ZNF30: variants seen among roughly 807,000 people sequenced by gnomAD.
ZNF30 encodes the protein zinc finger protein 30.
A neutral mutation model predicts 13.2 loss-of-function variants in ZNF30; 15 were observed. That is an observed-to-expected ratio of 1.13 (90% CI 0.76 to 1.75). ZNF30 has a LOEUF of 1.75. ZNF30 is among the 40% of genes most tolerant of loss of function. ZNF30 has a pLI of 0.00. For synonymous variants in ZNF30, 223 were observed against 256.6 expected (o/e 0.87, Z 1.25); for missense variants, 726 against 757.0 (o/e 0.96, Z 0.48).
chr19:34,932,923 A>T (rs2012532441), intron 3 of ZNF30, among the ~76,000 whole-genome samples: 1 of 151,260 alleles, frequency 6.6e-6, no homozygotes, highest in African/African-American at 2.4e-5. Context: ...TGGGATTATA[A>T]GCGTACACCA....
intron 2 of ZNF30, among the ~76,000 whole-genome samples, chr19:34,931,239 A>G (rs571641858): frequency 1.3e-5 from 2 of 152,134 alleles, no homozygotes; most frequent in South Asian, 2.1e-4. Context: ...GTTTCACCGC[A>G]TAGGCCAGGC....
intron 4 of ZNF30, among the ~76,000 whole-genome samples, chr19:34,933,962 T>C (rs1056397845): frequency 6.6e-6 from 1 of 152,220 alleles, no homozygotes; most frequent in African/African-American, 2.4e-5. Flanking sequence ...ATTACGGACT[T>C]AAGTCACTTT....
intron 1 of ZNF30, among the ~76,000 whole-genome samples, chr19:34,928,082 G>T (rs2012172914): frequency 6.6e-6 from 1 of 151,492 alleles, no homozygotes; most frequent in African/African-American, 2.4e-5. Context: ...GCGTGCGCTT[G>T]TAGTCACAGC....
intron 2 of ZNF30, among the ~76,000 whole-genome samples, chr19:34,930,648 A>G (rs377747111): frequency 6.0e-4 from 92 of 152,298 alleles, no homozygotes; most frequent in South Asian, 1.4e-3. Flanking sequence ...ACTTGAGCCC[A>G]GGAGTTCAAG....
Position 34,943,947 on chromosome 19 carries a change from G to A in ZNF30, c.981G>A (p.Val327=). 1 of 1,613,472 alleles carries A rather than the reference G, an allele frequency of 6.2e-7. No homozygotes were observed. Among genetic ancestry groups the A allele is most frequent in the Non-Finnish European group, 8.5e-7 (1 of 1,179,870 alleles). The change falls in exon 5 of 5, where the codon GTG becomes GTA. Residue 327 remains valine, a synonymous_variant. Coordinates refer to ENST00000601142, the MANE Select transcript of ZNF30 (RefSeq NM_194325.3). ...ECKECGKSFT[V]YGQLTRHQSI... ...AGGAGTGTGGGAAGTCCTTCACTGT[G>A]TATGGACAGCTTACTCGACATCAGA...
chr19:34,928,951 G>A (rs1015511871), intron 1 of ZNF30, among the ~76,000 whole-genome samples: 1 of 152,094 alleles, frequency 6.6e-6, no homozygotes, highest in African/African-American at 2.4e-5. Flanking sequence ...ATCTTAGAGT[G>A]TATCTCCCCC....
At chr19:34,939,234 T>G (rs2012914522) in intron 4 of ZNF30, among the ~76,000 whole-genome samples, 1 of 148,200 alleles carries the variant, frequency 6.7e-6, no homozygotes, top group South Asian at 2.2e-4. Context: ...TAGGCTGGAG[T>G]GCAGTGGCGC....
rs528004699 is a variant in ZNF30 at position 34,935,162 on chromosome 19, C to T, written c.256+1439C>T. The stretch of plus-strand genomic sequence containing the variant: ...AGGAGAATGGCGTGAACCCAGGAGG[C>T]GGAGCTTGCAGTGAGCCAAGATTGT... On this transcript the variant is annotated intron_variant, in intron 4 of 4. Transcript: ENST00000601142. Among the ~76,000 whole-genome samples, 35 of 151,814 alleles carry T rather than the reference C, an allele frequency of 2.3e-4. No homozygotes were observed. The South Asian group carries it at 5.0e-3, about 22-fold the overall frequency.
rs185246316 is a variant in ZNF30, at chr19:34,927,411, G to A, written c.-65+195G>A. 6.6e-4 allele frequency: 110 copies of A among 166,996 alleles called. 1 individual carries two copies. The highest frequency in any genetic ancestry group is 2.4e-3 in the African/African-American group (100 of 42,200). The allele number at this position is 166,996 out of a possible 1,614,324, so 10.3% of individuals were successfully genotyped here. On this transcript the variant is annotated intron_variant, in intron 1 of 4. Transcript: ENST00000601142. ...AATTGATTTATGTAAAGGAGCAAAA[G>A]ACTCTTCAACTCTCAGTTTAAAAAG...
At chr19:34,928,109 G>A (rs2012175628) in intron 1 of ZNF30, among the ~76,000 whole-genome samples, 2 of 151,400 alleles carry the variant, frequency 1.3e-5, no homozygotes, top group Non-Finnish European at 2.9e-5. Flanking sequence ...AGAGGCGGAG[G>A]TGGGAGAAGT....
In ZNF30 at chr19:34,944,866, G is replaced by GT. The variant is rs1568547801; in HGVS notation, c.*29dup. 1.3e-6 allele frequency: 2 copies of GT among 1,526,202 alleles called. No individual in the cohort carries two copies. The highest frequency in any genetic ancestry group is 2.6e-5 in the South Asian group (2 of 75,474). The allele number at this position is 1,526,202 out of a possible 1,614,324, so 94.5% of individuals were successfully genotyped here. On this transcript the variant is annotated 3_prime_UTR_variant, in exon 5 of 5. Coordinates refer to ENST00000601142, the MANE Select transcript of ZNF30 (RefSeq NM_194325.3). ...GTCTGAGGAGTGTGGGAAGTGCTTC[G>GT]TGTGTGGCTCAAACATTGTTGAACA...
intron 1 of ZNF30, among the ~76,000 whole-genome samples, chr19:34,929,500 C>T (rs1317218571): frequency 6.6e-6 from 1 of 152,180 alleles, no homozygotes; most frequent in Admixed American, 6.5e-5. Context: ...CTTGACCAAC[C>T]TCAGATTTAT....
intron 1 of ZNF30, among the ~76,000 whole-genome samples, chr19:34,928,197 G>C (rs1274541152): frequency 2.6e-5 from 3 of 117,318 alleles, no homozygotes; most frequent in Admixed American, 2.1e-4. Context: ...GACAGAGCGA[G>C]ATCCCTTCTC....
chr19:34,935,202 G>A (rs11879817), intron 4 of ZNF30, among the ~76,000 whole-genome samples: 1 of 151,658 alleles, frequency 6.6e-6, no homozygotes, highest in Non-Finnish European at 1.5e-5. Flanking sequence ...CTGCACTCCA[G>A]CCTGGGCGAC....
chr19:34,941,675 G>C (rs1334805251), intron 4 of ZNF30, among the ~76,000 whole-genome samples: 2 of 152,194 alleles, frequency 1.3e-5, no homozygotes, highest in Non-Finnish European at 2.9e-5. Flanking sequence ...GATCCTAGGA[G>C]ATAACAGGAA....
At chr19:34,927,308 T>G in intron 1 of ZNF30, 92 bp downstream of exon 1, 1 of 328,514 alleles carries the variant, frequency 3.0e-6, no homozygotes, top group Non-Finnish European at 5.5e-6. Flanking sequence ...CCGGTGTGCA[T>G]CCGCGAAGAC....
chr19:34,930,595 C>T (rs1400820987), intron 2 of ZNF30, among the ~76,000 whole-genome samples: 1 of 152,190 alleles, frequency 6.6e-6, no homozygotes, highest in East Asian at 1.9e-4. Flanking sequence ...CAGTGGCTCA[C>T]ACCTGTAAAC....
upstream of ZNF30, among the ~76,000 whole-genome samples, chr19:34,926,495 CTT>C (rs751405205): frequency 1.3e-5 from 2 of 152,158 alleles, no homozygotes; most frequent in Non-Finnish European, 1.5e-5. Flanking sequence ...TTAATAGAAA[CTT>C]AAAATTCCTG....
chr19:34,938,381 C>CT (rs1568541248), intron 4 of ZNF30, among the ~76,000 whole-genome samples: 9 of 151,968 alleles, frequency 5.9e-5, no homozygotes, highest in Admixed American at 5.9e-4. Flanking sequence ...TGAGGATTTT[C>CT]TTTTTTATTT....
Sources: gnomAD v4.1 joint callset for allele counts (sites outside exome capture counted in the v4.1 genomes callset) on GRCh38, gnomAD v4.1.1 for gene constraint, MANE v1.5 for transcripts, NCBI Gene and HGNC (gene_info 2026-07-23, HGNC 2026-07-21) for gene names.